AHI1: variants seen among roughly 807,000 people sequenced by gnomAD.
AHI1 encodes jouberin.
In AHI1, 123 loss-of-function variants were observed where a neutral mutation model predicts 149.3. That is an observed-to-expected ratio of 0.82 (90% CI 0.71 to 0.96). AHI1 has a LOEUF of 0.96. Among genes scored for constraint, AHI1 ranks in the 40% least tolerant of loss-of-function variants. The probability of loss-of-function intolerance (pLI) is 0.00; values close to 1 mark genes in which losing one functional copy is unlikely to be tolerated. For synonymous variants in AHI1, 475 were observed against 459.8 expected (o/e 1.03, Z -0.42); for missense variants, 1,439 against 1,422.7 (o/e 1.01, Z -0.18).
intron 23 of AHI1, among the ~76,000 whole-genome samples, chr6:135,378,305 AAGTTAGCAGATTTAATAGACTTCT>A (rs1405355253): frequency 6.6e-6 from 1 of 152,250 alleles, no homozygotes; most frequent in Admixed American, 6.5e-5. Context: ...TGAATACATA[AAGTTAGCAGATTTAATAGACTTCT>A]AAACTAATGC....
rs1781479759 is a variant in AHI1 at position 135,284,173 on chromosome 6, C to T, written c.*1472G>A. ...CTTTTGGGCGGATGGCTGTAGGCTT[C>T]ACCAGTTATCAGTGCCACTCAACAC... On this transcript the variant is annotated 3_prime_UTR_variant, in exon 29 of 29. Transcript: ENST00000265602. 1 of 152,200 alleles carries T rather than the reference C, an allele frequency of 6.6e-6. No individual in the cohort carries two copies. Among genetic ancestry groups the T allele is most frequent in the Non-Finnish European group, 1.5e-5 (1 of 68,040 alleles). 9.4% of individuals were successfully genotyped at this position (152,200 alleles called of 1,614,324 possible).
chr6:135,402,950 C>G (rs547128030), intron 22 of AHI1, among the ~76,000 whole-genome samples: 3 of 152,038 alleles, frequency 2.0e-5, no homozygotes, highest in Non-Finnish European at 4.4e-5. Context: ...GTGGTTGGTC[C>G]CCCTAATCCC....
At chr6:135,313,247 C>T (rs1416447023) in intron 26 of AHI1, among the ~76,000 whole-genome samples, 2 of 152,188 alleles carry the variant, frequency 1.3e-5, no homozygotes, top group Admixed American at 6.5e-5. Context: ...GTCTTACACA[C>T]ATAGCACATT....
chr6:135,350,810 G>C (rs138470838), intron 24 of AHI1, among the ~76,000 whole-genome samples: 33 of 152,236 alleles, frequency 2.2e-4, no homozygotes, highest in Middle Eastern at 3.4e-3. Context: ...TCAGAACAGA[G>C]AGTACCATAG....
At chr6:135,407,501 T>G (rs1780958461) in intron 21 of AHI1, among the ~76,000 whole-genome samples, 1 of 152,116 alleles carries the variant, frequency 6.6e-6, no homozygotes, top group East Asian at 1.9e-4. Flanking sequence ...CAGTGAATTC[T>G]CTCAACAAAG....
Position 135,301,398 on chromosome 6 carries a change from G to A in AHI1, c.3427-840C>T, listed in dbSNP as rs1049006944. ...AAAAACAAAATGAAATGAAAGAAAA[G>A]GAATACAACCTTCTCTTTCAGTCTT... On this transcript the variant is annotated intron_variant, in intron 26 of 28. Coordinates refer to ENST00000265602, the MANE Select transcript of AHI1 (RefSeq NM_001134831.2). 4 of 983,454 alleles carry A rather than the reference G, an allele frequency of 4.1e-6. No homozygotes were observed. The African/African-American group carries it at 7.0e-5, about 17-fold the overall frequency. The allele number at this position is 983,454 out of a possible 1,614,324, so 60.9% of individuals were successfully genotyped here. A position where few individuals can be genotyped will look rare whatever the true frequency, so the allele number is the denominator to read the frequency against.
rs1302954923 is a variant in AHI1, at chr6:135,495,853, T to C, written c.-94A>G. The C allele has an allele frequency of 1.3e-5, 2 of 152,238 alleles. No homozygotes were observed. The highest frequency in any genetic ancestry group is 4.8e-5 in the African/African-American group (2 of 41,460). The allele number at this position is 152,238 out of a possible 1,614,324, so 9.4% of individuals were successfully genotyped here. On this transcript the variant is annotated 5_prime_UTR_variant, in exon 3 of 29. Coordinates refer to ENST00000265602, the MANE Select transcript of AHI1 (RefSeq NM_001134831.2). ...GGGCAAGCTACTTAATTTCTAATCCTTGGTTTTTCCTTGTCTGGGAATTTA... is the reference window on the plus strand; with the variant it reads ...GGGCAAGCTACTTAATTTCTAATCCCTGGTTTTTCCTTGTCTGGGAATTTA...
At chr6:135,347,265 A>G (rs1791375847) in intron 24 of AHI1, among the ~76,000 whole-genome samples, 1 of 152,192 alleles carries the variant, frequency 6.6e-6, no homozygotes, top group Non-Finnish European at 1.5e-5. Context: ...CAGTTATATT[A>G]CAAAGATCAG....
At chr6:135,293,254 T>G (rs1439196290) in intron 27 of AHI1, among the ~76,000 whole-genome samples, 1 of 151,962 alleles carries the variant, frequency 6.6e-6, no homozygotes, top group Non-Finnish European at 1.5e-5. Flanking sequence ...ATAAAAAACC[T>G]AGAATAACAT....
chr6:135,357,615 T>A (rs1793195346), intron 24 of AHI1, among the ~76,000 whole-genome samples: 1 of 152,226 alleles, frequency 6.6e-6, no homozygotes, highest in South Asian at 2.1e-4. Context: ...TATCATCTTA[T>A]GAGTCTTTCA....
chr6:135,429,960 T>C lies in AHI1; in HGVS notation c.2414A>G (p.Tyr805Cys), dbSNP rs958113326. The stretch of plus-strand genomic sequence containing the variant: ...TTTTCCATTGGGATGAATCTCCAAA[T>C]AACTTATTGGAATTCCCTTAAACTC... ...ETEFKGIPIS[Y>C]LEIHPNGKRL... Residue 805 changes from tyrosine (Y) to cysteine (C), a missense_variant, in exon 18 of 29, where the codon TAT (tyrosine) becomes TGT (cysteine). Transcript: ENST00000265602. 6.3e-7 allele frequency: 1 copy of C among 1,585,718 alleles called. No individual in the cohort carries two copies. Among genetic ancestry groups the C allele is most frequent in the Non-Finnish European group, 8.6e-7 (1 of 1,162,934 alleles).
At chr6:135,422,791 C>T (rs1171021911) in intron 20 of AHI1, among the ~76,000 whole-genome samples, 2 of 151,574 alleles carry the variant, frequency 1.3e-5, no homozygotes, top group Admixed American at 1.3e-4. Flanking sequence ...CACCCAGCCA[C>T]CCCCCACATT....
At chr6:135,443,039 A>G (rs1317614160) in intron 13 of AHI1, among the ~76,000 whole-genome samples, 2 of 152,224 alleles carry the variant, frequency 1.3e-5, no homozygotes, top group East Asian at 3.8e-4. Context: ...TGTATGTCAC[A>G]GCCTTATTCT....
rs556523371 is a variant in AHI1, at chr6:135,425,394, A to G, written c.2764+1773T>C. 2.0e-5 allele frequency among the ~76,000 whole-genome samples: 3 copies of G among 152,056 alleles called. No homozygotes were observed. In the South Asian group the frequency reaches 6.2e-4, roughly 32 times the overall value. On this transcript the variant is annotated intron_variant, in intron 20 of 28. Transcript: ENST00000265602. ...AAAAGACTGACCAACAGAGTAAAAG[A>G]GAGGAGAAAAAACTCTTCAACTGCT... is the stretch of plus-strand genomic sequence containing the variant.
At chr6:135,391,225 A>G (rs1303036565) in intron 23 of AHI1, among the ~76,000 whole-genome samples, 3 of 152,114 alleles carry the variant, frequency 2.0e-5, no homozygotes, top group Admixed American at 2.0e-4. Flanking sequence ...AATCCCTTTC[A>G]TATTCATTCC....
chr6:135,497,321 G>A (rs1167909555), intron 1 of AHI1, 72 bp from the exon 2 acceptor site: 1 of 152,282 alleles, frequency 6.6e-6, no homozygotes, highest in African/African-American at 2.4e-5. Flanking sequence ...GAGTAGGAAA[G>A]GCAAAGATTG....
chr6:135,313,558 G>A (rs1785503291), intron 26 of AHI1, among the ~76,000 whole-genome samples: 1 of 152,174 alleles, frequency 6.6e-6, no homozygotes, highest in South Asian at 2.1e-4. Flanking sequence ...GAACTGGTCT[G>A]CTGCAATATG....
chr6:135,326,198 T>C (rs1261261961), intron 24 of AHI1, among the ~76,000 whole-genome samples: 1 of 152,160 alleles, frequency 6.6e-6, no homozygotes, highest in Non-Finnish European at 1.5e-5. Context: ...TAGCTCCCAA[T>C]GTGAATGTAT....
At chr6:135,335,774 A>G (rs1162218872) in intron 24 of AHI1, among the ~76,000 whole-genome samples, 2 of 152,210 alleles carry the variant, frequency 1.3e-5, no homozygotes, top group African/African-American at 2.4e-5. Flanking sequence ...GTATTTGTAA[A>G]TAACATCCTA....
Sources: gnomAD v4.1 joint callset for allele counts (sites outside exome capture counted in the v4.1 genomes callset) on GRCh38, gnomAD v4.1.1 for gene constraint, MANE v1.5 for transcripts, NCBI Gene and HGNC (gene_info 2026-07-23, HGNC 2026-07-21) for gene names.